The following ASCC3 variants were observed in gnomAD, a reference collection of about 807,000 sequenced individuals.
The protein encoded by ASCC3 is activating signal cointegrator 1 complex subunit 3, also known as ASC-1 complex subunit P200.
In ASCC3, 158 loss-of-function variants were observed where a neutral mutation model predicts 256.3. That is an observed-to-expected ratio of 0.62 (90% CI 0.54 to 0.70). ASCC3 has a LOEUF of 0.70. ASCC3 is among the 30% of genes least tolerant of loss of function. The probability of loss-of-function intolerance (pLI) is 0.00; values close to 1 mark genes in which losing one functional copy is unlikely to be tolerated. For missense variants in ASCC3, 2,259 were observed against 2,626.0 expected (o/e 0.86, Z 3.05); for synonymous variants, 948 against 883.4 (o/e 1.07, Z -1.30).
chr6:100,576,615 T>G lies in ASCC3; in HGVS notation c.5550+13019A>C, dbSNP rs550072477. Among the ~76,000 whole-genome samples, 9 of 152,196 alleles carry G rather than the reference T, an allele frequency of 5.9e-5. No homozygotes were observed. In the South Asian group the frequency reaches 1.9e-3, roughly 32 times the overall value. ...TTAACACTTAACTTGAAGGGTTATT[T>G]GATGCTTATAAATAATGTATATAAA... On this transcript the variant is annotated intron_variant, in intron 36 of 41. Transcript: ENST00000369162.
chr6:100,662,040 G>A lies in ASCC3; in HGVS notation c.2479-10C>T. On this transcript the variant is annotated splice_polypyrimidine_tract_variant and intron_variant, in intron 15 of 41. Coordinates refer to ENST00000369162, the MANE Select transcript of ASCC3 (RefSeq NM_006828.4). ...CATATATTTGTGTTCCCTAGATGAG[G>A]AAAAGTTAACAAAAATTTACATAAA... 1 of 1,611,006 alleles carries A rather than the reference G, an allele frequency of 6.2e-7. No individual in the cohort carries two copies. Among genetic ancestry groups the A allele is most frequent in the Non-Finnish European group, 8.5e-7 (1 of 1,177,932 alleles).
intron 37 of ASCC3, among the ~76,000 whole-genome samples, chr6:100,521,767 T>C (rs759441579): frequency 6.6e-6 from 1 of 152,214 alleles, no homozygotes; most frequent in African/African-American, 2.4e-5. Context: ...CCAAACCTGA[T>C]AGGGGCTAAG....
In ASCC3 at chr6:100,521,003, C is replaced by T. The variant is rs551873481; in HGVS notation, c.5776-2861G>A. On this transcript the variant is annotated intron_variant, in intron 37 of 41. Coordinates refer to ENST00000369162, the MANE Select transcript of ASCC3 (RefSeq NM_006828.4). Reference sequence around the variant, plus strand: ...TGATGGCAAGAATCTGGAATCATTCCTTGTAATTCTAGTCCCAGCACAGTG... The same window carrying T: ...TGATGGCAAGAATCTGGAATCATTCTTTGTAATTCTAGTCCCAGCACAGTG... 3.3e-5 allele frequency among the ~76,000 whole-genome samples: 5 copies of T among 152,158 alleles called. No individual in the cohort carries two copies. The East Asian group carries it at 7.7e-4, about 24-fold the overall frequency.
chr6:100,671,934 C>T (rs892384257), intron 14 of ASCC3, among the ~76,000 whole-genome samples: 2 of 151,952 alleles, frequency 1.3e-5, no homozygotes, highest in Admixed American at 6.6e-5. Context: ...ACATAGTTGC[C>T]ATCTGCCACT....
At chr6:100,677,879 T>C (rs946820738) in intron 14 of ASCC3, among the ~76,000 whole-genome samples, 1 of 152,112 alleles carries the variant, frequency 6.6e-6, no homozygotes, top group East Asian at 1.9e-4. Context: ...ATCAAAACTT[T>C]CCGTTTCTCT....
rs1478072163 is a variant in ASCC3 at position 100,817,123 on chromosome 6, A to C, written c.802-11243T>G. On this transcript the variant is annotated intron_variant, in intron 4 of 41. Transcript: ENST00000369162. Reference sequence around the variant, plus strand: ...CTCAATAATTTTAAAGAAATTTAAAATTTAGAAATAATACAAAGTATGTTT... The same window carrying C: ...CTCAATAATTTTAAAGAAATTTAAACTTTAGAAATAATACAAAGTATGTTT... Among the ~76,000 whole-genome samples the C allele has an allele frequency of 3.9e-5, 6 of 152,100 alleles. No individual in the cohort carries two copies. The South Asian group carries it at 1.2e-3, about 31-fold the overall frequency.
At chr6:100,814,695 T>C (rs1471376000) in intron 4 of ASCC3, among the ~76,000 whole-genome samples, 1 of 152,158 alleles carries the variant, frequency 6.6e-6, no homozygotes, top group African/African-American at 2.4e-5. Flanking sequence ...CAGGAATTTA[T>C]CCTTTTCTTC....
chr6:100,809,769 T>C (rs1255577826), intron 4 of ASCC3, among the ~76,000 whole-genome samples: 1 of 152,124 alleles, frequency 6.6e-6, no homozygotes, highest in African/African-American at 2.4e-5. Context: ...AGCTTTTTCA[T>C]GCCATAGCAC....
intron 4 of ASCC3, among the ~76,000 whole-genome samples, chr6:100,843,103 T>C (rs1772223005): frequency 6.6e-6 from 1 of 151,916 alleles, no homozygotes. Flanking sequence ...TAAAGAAAAA[T>C]TATGAGGTTC....
chr6:100,637,022 A>G (rs1774877252), intron 25 of ASCC3, among the ~76,000 whole-genome samples: 2 of 152,228 alleles, frequency 1.3e-5, no homozygotes, highest in African/African-American at 4.8e-5. Context: ...GAAGGTGGCT[A>G]CAATAAACAA....
At chr6:100,670,006 T>TA (rs953524248) in intron 14 of ASCC3, among the ~76,000 whole-genome samples, 85 of 151,420 alleles carry the variant, frequency 5.6e-4, no homozygotes, top group Non-Finnish European at 8.4e-4. Context: ...TTCTACATGG[T>TA]AAAAAAAATC....
chr6:100,724,149 A>C (rs1428902475), intron 11 of ASCC3, among the ~76,000 whole-genome samples: 3 of 45,892 alleles, frequency 6.5e-5, no homozygotes, highest in Non-Finnish European at 1.2e-4. Flanking sequence ...ACAAAAAAAC[A>C]AAAAAAAAAA....
chr6:100,736,374 T>C (rs1338628499), intron 10 of ASCC3, among the ~76,000 whole-genome samples: 1 of 152,020 alleles, frequency 6.6e-6, no homozygotes, highest in Non-Finnish European at 1.5e-5. Context: ...TGGTGGCACA[T>C]GCCTGTAATC....
chr6:100,710,843 C>G (rs1157478285), intron 13 of ASCC3, among the ~76,000 whole-genome samples: 1 of 151,980 alleles, frequency 6.6e-6, no homozygotes, highest in Non-Finnish European at 1.5e-5. Context: ...AAGCTAGAGT[C>G]ATATAACAAA....
intron 1 of ASCC3, among the ~76,000 whole-genome samples, chr6:100,877,911 T>C (rs1167091340): frequency 6.6e-6 from 1 of 152,180 alleles, no homozygotes; most frequent in African/African-American, 2.4e-5. Flanking sequence ...ACATACAAGG[T>C]GGTGACCAAA....
chr6:100,631,116 G>A lies in ASCC3; in HGVS notation c.4208+12C>T. 6.3e-7 allele frequency: 1 copy of A among 1,578,272 alleles called. No individual in the cohort carries two copies. Among genetic ancestry groups the A allele is most frequent in the Non-Finnish European group, 8.7e-7 (1 of 1,149,268 alleles). ...TTCAAAGCGTATCTTTTGAGTAAAA[G>A]TAAGAACTTACTTTTTACCAAGTTT... On this transcript the variant is annotated intron_variant, in intron 26 of 41. Coordinates refer to ENST00000369162, the MANE Select transcript of ASCC3 (RefSeq NM_006828.4).
At chr6:100,586,929 T>A (rs532906243) in intron 36 of ASCC3, among the ~76,000 whole-genome samples, 1 of 152,194 alleles carries the variant, frequency 6.6e-6, no homozygotes. Flanking sequence ...TCAGTTGTAA[T>A]GTTATCAGAA....
intron 10 of ASCC3, among the ~76,000 whole-genome samples, chr6:100,752,559 T>G (rs911965324): frequency 6.6e-6 from 1 of 152,158 alleles, no homozygotes; most frequent in Non-Finnish European, 1.5e-5. Flanking sequence ...AGAAGTTACT[T>G]TGTCATCCTA....
intron 36 of ASCC3, among the ~76,000 whole-genome samples, chr6:100,561,175 T>C (rs1769930073): frequency 6.6e-6 from 1 of 151,954 alleles, no homozygotes; most frequent in African/African-American, 2.4e-5. Context: ...CAAAATTGTA[T>C]TTAACAGGAC....
Sources: gnomAD v4.1 joint callset for allele counts (sites outside exome capture counted in the v4.1 genomes callset) on GRCh38, gnomAD v4.1.1 for gene constraint, MANE v1.5 for transcripts, NCBI Gene and HGNC (gene_info 2026-07-23, HGNC 2026-07-21) for gene names.